The following DLGAP2 variants were observed in gnomAD, a reference collection of about 807,000 sequenced individuals.
The protein encoded by DLGAP2 is DLG associated protein 2.
Under a neutral mutation model 100.3 loss-of-function variants are expected in DLGAP2, and 26 were observed. The observed-to-expected ratio is 0.26, with a 90% CI of 0.19 to 0.36. The LOEUF is 0.36. DLGAP2 is among the 10% of genes least tolerant of loss of function. The pLI is 1.00. For missense variants in DLGAP2, 1,858 were observed against 1,453.2 expected (o/e 1.28, Z -4.53); for synonymous variants, 886 against 630.1 (o/e 1.41, Z -6.08).
intron 8 of DLGAP2, among the ~76,000 whole-genome samples, chr8:1,637,855 G>C (rs953470790): frequency 6.6e-6 from 1 of 152,182 alleles, no homozygotes; most frequent in Non-Finnish European, 1.5e-5. Flanking sequence ...GGATGGCTCT[G>C]GAAACCCAGG....
At chr8:1,230,640 G>A (rs1045154959) in intron 2 of DLGAP2, among the ~76,000 whole-genome samples, 6 of 152,066 alleles carry the variant, frequency 3.9e-5, no homozygotes, top group African/African-American at 1.2e-4. Flanking sequence ...AAATAGCATG[G>A]CACTGGTACA....
chr8:947,104 T>A (rs1351948232), intron 2 of DLGAP2, among the ~76,000 whole-genome samples: 9 of 152,194 alleles, frequency 5.9e-5, no homozygotes, highest in Non-Finnish European at 1.3e-4. Flanking sequence ...CATCCCTGGC[T>A]CCGGGTGCGC....
intron 2 of DLGAP2, among the ~76,000 whole-genome samples, chr8:1,007,083 C>T (rs889556463): frequency 8.9e-5 from 13 of 145,606 alleles, no homozygotes; most frequent in East Asian, 2.1e-4. Flanking sequence ...TCTCAGAATA[C>T]GGTCCTTTAT....
chr8:1,604,050 C>A (rs2957076), intron 6 of DLGAP2, among the ~76,000 whole-genome samples: 40,464 of 152,008 alleles, frequency 0.27, 6,386 homozygotes, highest in East Asian at 0.49. Flanking sequence ...GCCCAAGACA[C>A]AGCTGGGACA....
intron 1 of DLGAP2, among the ~76,000 whole-genome samples, chr8:755,531 T>C (rs1820897883): frequency 6.6e-6 from 1 of 152,158 alleles, no homozygotes. Context: ...ATAACTGAGC[T>C]CTGACTGTGG....
chr8:1,417,677 C>A (rs1412963626), intron 3 of DLGAP2, among the ~76,000 whole-genome samples: 1 of 150,394 alleles, frequency 6.6e-6, no homozygotes, highest in Non-Finnish European at 1.5e-5. Context: ...CCGCGAGGCT[C>A]CAGGGGGGCA....
chr8:887,114 A>G (rs1797938118), intron 1 of DLGAP2, among the ~76,000 whole-genome samples: 1 of 151,828 alleles, frequency 6.6e-6, no homozygotes, highest in African/African-American at 2.4e-5. Flanking sequence ...TCCCTTTACC[A>G]TTATGTAATG....
chr8:1,678,331 C>T lies in DLGAP2; in HGVS notation c.2406C>T (p.Ser802=). The T allele has an allele frequency of 6.2e-7, 1 of 1,614,020 alleles. No individual in the cohort carries two copies. Among genetic ancestry groups the T allele is most frequent in the Non-Finnish European group, 8.5e-7 (1 of 1,179,894 alleles). ...TEDKGLQFGS[S]FQRHSEPSTP... ...ACAAAGGCCTTCAGTTCGGCTCATC[C>T]TTCCAGCGGCACTCCGAGCCCAGCA... Residue 802 remains serine (S), a synonymous_variant, in exon 12 of 15, where the codon TCC becomes TCT. Transcript: ENST00000637795.
At chr8:1,671,950 T>C (rs1366900575) in intron 10 of DLGAP2, among the ~76,000 whole-genome samples, 2 of 152,244 alleles carry the variant, frequency 1.3e-5, no homozygotes, top group Non-Finnish European at 2.9e-5. Flanking sequence ...TCTGACCCGG[T>C]CTGGCCTGAC....
chr8:1,548,656 A>G lies in DLGAP2; in HGVS notation c.203A>G (p.His68Arg). 1 of 1,576,130 alleles carries G rather than the reference A, an allele frequency of 6.3e-7. No individual in the cohort carries two copies. ...DPQYSWSPTQ[H>R]FNEERYSPAP... ...CAGTACTCATGGTCGCCCACGCAGC[A>G]CTTCAATGAGGAGCGCTACTCGCCC... Residue 68 changes from histidine (H) to arginine (R), a missense_variant, in exon 5 of 15, where the codon CAC (histidine) becomes CGC (arginine). His to Arg is a conservative substitution (Grantham distance 29, BLOSUM62 0). Transcript: ENST00000637795.
intron 4 of DLGAP2, among the ~76,000 whole-genome samples, chr8:1,531,740 G>A (rs1214740012): frequency 1.3e-5 from 2 of 152,122 alleles, no homozygotes; most frequent in African/African-American, 4.8e-5. Context: ...CTTGGTGTGT[G>A]CATAACTAAA....
At chr8:1,474,840 G>A (rs1305310985) in intron 3 of DLGAP2, among the ~76,000 whole-genome samples, 1 of 152,202 alleles carries the variant, frequency 6.6e-6, no homozygotes, top group East Asian at 1.9e-4. Context: ...TCAAAGAACT[G>A]AGAGTTGAAC....
intron 3 of DLGAP2, among the ~76,000 whole-genome samples, chr8:1,274,507 G>A (rs940273596): frequency 6.8e-6 from 1 of 148,024 alleles, no homozygotes; most frequent in Admixed American, 6.9e-5. Context: ...CTTTGGATTT[G>A]TTTTAGAACA....
rs143574175 is a variant in DLGAP2, at chr8:922,422, A to G, written c.73+14456A>G. 6.6e-3 allele frequency among the ~76,000 whole-genome samples: 1,013 copies of G among 152,362 alleles called. 8 individuals carry two copies. The highest frequency in any genetic ancestry group is 0.022 in the South Asian group (104 of 4,826). On this transcript the variant is annotated intron_variant, in intron 2 of 14. Coordinates refer to ENST00000637795, the MANE Select transcript of DLGAP2 (RefSeq NM_001346810.2). ...GACAGTTTTAATATTTGCCCCCAAA[A>G]TTTAAAAGTAATTCCAGGAAGGCAT... is the stretch of plus-strand genomic sequence containing the variant.
chr8:1,157,488 A>T (rs1796813654), intron 2 of DLGAP2, among the ~76,000 whole-genome samples: 1 of 152,154 alleles, frequency 6.6e-6, no homozygotes, highest in Non-Finnish European at 1.5e-5. Flanking sequence ...CCCATCTCCC[A>T]GCCCCTGAAG....
chr8:1,644,659 C>A (rs909599047), intron 8 of DLGAP2, among the ~76,000 whole-genome samples: 2 of 152,158 alleles, frequency 1.3e-5, no homozygotes, highest in Admixed American at 1.3e-4. Flanking sequence ...AACAGAATCT[C>A]GATGTACATT....
chr8:977,327 G>T (rs1019034261), intron 2 of DLGAP2, among the ~76,000 whole-genome samples: 1 of 152,198 alleles, frequency 6.6e-6, no homozygotes, highest in African/African-American at 2.4e-5. Context: ...ATGTTCTTCT[G>T]ACAGCTGAGG....
intron 4 of DLGAP2, among the ~76,000 whole-genome samples, chr8:1,535,294 G>T (rs1298969885): frequency 6.6e-6 from 1 of 152,226 alleles, no homozygotes; most frequent in Non-Finnish European, 1.5e-5. Context: ...CCATGTTGCT[G>T]TGAGCCCACT....
intron 5 of DLGAP2, among the ~76,000 whole-genome samples, chr8:1,550,448 G>A (rs993659446): frequency 6.6e-6 from 1 of 152,078 alleles, no homozygotes; most frequent in Non-Finnish European, 1.5e-5. Context: ...GGCCTCTAAG[G>A]CTGGAGGGTT....
Sources: allele counts gnomAD v4.1 joint callset (sites outside exome capture counted in the v4.1 genomes callset), GRCh38; gene constraint gnomAD v4.1.1; transcripts MANE v1.5; gene names NCBI Gene and HGNC (gene_info 2026-07-23, HGNC 2026-07-21).